PPIG: variants seen among roughly 807,000 people sequenced by gnomAD.
PPIG encodes peptidylprolyl isomerase G.
PPIG carries 26 observed loss-of-function variants against 87.9 expected under a neutral mutation model. That is an observed-to-expected ratio of 0.30 (90% CI 0.22 to 0.41). The LOEUF (loss-of-function observed/expected upper bound fraction) is 0.41, where lower values mean the gene tolerates loss of function less well. PPIG is among the 10% of genes least tolerant of loss of function. The pLI is 1.00. For missense variants in PPIG, 722 were observed against 879.4 expected (o/e 0.82, Z 2.26); for synonymous variants, 308 against 276.5 (o/e 1.11, Z -1.13).
intron 9 of PPIG, among the ~76,000 whole-genome samples, chr2:169,619,179 T>C (rs1187678910): frequency 1.3e-5 from 2 of 152,206 alleles, no homozygotes; most frequent in East Asian, 3.8e-4. Context: ...TTGTGCAGTT[T>C]TGAGTGAGTT....
At chr2:169,596,979 G>A (rs1685037177) in intron 1 of PPIG, among the ~76,000 whole-genome samples, 2 of 152,250 alleles carry the variant, frequency 1.3e-5, no homozygotes, top group South Asian at 2.1e-4. Context: ...TGAGATTACA[G>A]GCGGGAGCCA....
Position 169,637,270 on chromosome 2 carries a change from A to G in PPIG, c.2012A>G (p.His671Arg), listed in dbSNP as rs751746285. ...AGAATGTACTCTAAAAGTCGTGATC[A>G]TAATAGCTCAAATAACAGCAGGGAA... is the stretch of plus-strand genomic sequence containing the variant. ...EKRMYSKSRD[H>R]NSSNNSREKK... The change falls in exon 14 of 14, where the codon CAT becomes CGT. Residue 671 changes from histidine (H) to arginine (R), a missense_variant. By Grantham distance (29) the His-to-Arg change is conservative. Coordinates refer to ENST00000260970, the MANE Select transcript of PPIG (RefSeq NM_004792.3). 8 of 1,610,198 alleles carry G rather than the reference A, an allele frequency of 5.0e-6. No homozygotes were observed. The highest frequency in any genetic ancestry group is 2.2e-5 in the East Asian group (1 of 44,868).
At chr2:169,608,373 C>A (rs1271800441) in intron 6 of PPIG, among the ~76,000 whole-genome samples, 9 of 151,882 alleles carry the variant, frequency 5.9e-5, no homozygotes, top group Admixed American at 5.9e-4. Flanking sequence ...CCTGTAGTCC[C>A]AGCTACTCAG....
rs184693262 is a variant in PPIG at position 169,608,571 on chromosome 2, G to A, written c.290-100G>A. ...TAACTTTATTATCTAAGTAAGTTGTGTGTGGCACTAAATAATACATCAGAT... is the reference window on the plus strand; with the variant it reads ...TAACTTTATTATCTAAGTAAGTTGTATGTGGCACTAAATAATACATCAGAT... On this transcript the variant is annotated intron_variant, in intron 6 of 13. Coordinates refer to ENST00000260970, the MANE Select transcript of PPIG (RefSeq NM_004792.3). 10 of 608,066 alleles carry A rather than the reference G, an allele frequency of 1.6e-5. No individual in the cohort carries two copies. In the East Asian group the frequency reaches 1.9e-4, roughly 11 times the overall value. The allele number at this position is 608,066 out of a possible 1,614,324, so 37.7% of individuals were successfully genotyped here. A position where few individuals can be genotyped will look rare whatever the true frequency, so the allele number is the denominator to read the frequency against.
intron 1 of PPIG, among the ~76,000 whole-genome samples, chr2:169,588,803 A>G (rs6726410): frequency 0.034 from 5,176 of 152,044 alleles, 284 homozygotes; most frequent in African/African-American, 0.12. Flanking sequence ...TCTACTAAAA[A>G]TACAAATTTA....
At position 169,594,625 on chromosome 2, in the gene PPIG, C is replaced by CTTTTTT. The variant is rs61375406; in HGVS notation, c.-69-9001_-69-8996dup. Among the ~76,000 whole-genome samples the CTTTTTT allele has an allele frequency of 1.8e-3, 205 of 114,598 alleles. 2 individuals are homozygous for CTTTTTT. The highest frequency in any genetic ancestry group is 2.4e-3 in the African/African-American group (69 of 29,168). 75.2% of individuals were successfully genotyped at this position (114,598 alleles called of 152,430 possible). ...CTTCTTCAGTTTTACTCTTTCTTTT[C>CTTTTTT]TTTTTTTTTTTTTTTTTTTTTGAGA... On this transcript the variant is annotated intron_variant, in intron 1 of 13. Transcript: ENST00000260970.
At chr2:169,621,749 A>G (rs1305438117) in intron 9 of PPIG, among the ~76,000 whole-genome samples, 1 of 136,210 alleles carries the variant, frequency 7.3e-6, no homozygotes, top group African/African-American at 2.7e-5. Context: ...TTTTTTTTTT[A>G]ATATTTTAGT....
chr2:169,605,967 T>C, intron 4 of PPIG, 72 bp from the exon 5 acceptor site: 1 of 1,069,302 alleles, frequency 9.4e-7, no homozygotes, highest in South Asian at 1.3e-5. Context: ...AGGGGCATAT[T>C]TTACATTTAT....
At position 169,626,956 on chromosome 2, in the gene PPIG, T is replaced by A. The variant is rs78126923; in HGVS notation, c.548-3818T>A. Among the ~76,000 whole-genome samples the A allele has an allele frequency of 8.6e-5, 13 of 151,434 alleles. No individual in the cohort carries two copies. In the East Asian group the frequency reaches 2.6e-3, roughly 30 times the overall value. ...AACCCCTGGCTTCAAGTGATCTGCCTGCTTTGGTGTCCCAAAGTGCTAGGA... is the reference window on the plus strand; with the variant it reads ...AACCCCTGGCTTCAAGTGATCTGCCAGCTTTGGTGTCCCAAAGTGCTAGGA... On this transcript the variant is annotated intron_variant, in intron 9 of 13. Transcript: ENST00000260970.
At position 169,640,503 on chromosome 2, in the gene PPIG, T is replaced by C. The variant is rs1051017117; in HGVS notation, c.*2980T>C. The stretch of plus-strand genomic sequence containing the variant: ...AATATAGTTTTCATCACACTAAACT[T>C]TTTATACTAAATTTCTGTAGAAGCT... On this transcript the variant is annotated 3_prime_UTR_variant, in exon 14 of 14. Transcript: ENST00000260970. 3 of 152,184 alleles carry C rather than the reference T, an allele frequency of 2.0e-5. No individual in the cohort carries two copies. The highest frequency in any genetic ancestry group is 7.2e-5 in the African/African-American group (3 of 41,450). The allele number at this position is 152,184 out of a possible 1,614,324, so 9.4% of individuals were successfully genotyped here.
intron 5 of PPIG, 107 bp from the exon 6 acceptor site, chr2:169,606,997 T>A (rs983228187): frequency 1.3e-6 from 1 of 741,962 alleles, no homozygotes; most frequent in African/African-American, 1.8e-5. Flanking sequence ...CTTCGAATAT[T>A]GTTAATTCAA....
At chr2:169,628,379 G>C (rs1391975802) in intron 9 of PPIG, among the ~76,000 whole-genome samples, 1 of 152,144 alleles carries the variant, frequency 6.6e-6, no homozygotes, top group East Asian at 1.9e-4. Context: ...CCATTCTCAA[G>C]TGCAGCAACA....
Position 169,627,530 on chromosome 2 carries a change from G to GT in PPIG, c.548-3242dup, listed in dbSNP as rs1274310231. Among the ~76,000 whole-genome samples, 5 of 151,876 alleles carry GT rather than the reference G, an allele frequency of 3.3e-5. No individual in the cohort carries two copies. In the East Asian group the frequency reaches 9.7e-4, roughly 30 times the overall value. ...TTGCTGTTGTGTGGTATGGTGTTTTGTTGTTGTTGTTTTGGAGACAGGTTC... is the reference window on the plus strand; with the variant it reads ...TTGCTGTTGTGTGGTATGGTGTTTTGTTTGTTGTTGTTTTGGAGACAGGTTC... On this transcript the variant is annotated intron_variant, in intron 9 of 13. Transcript: ENST00000260970.
intron 4 of PPIG, among the ~76,000 whole-genome samples, chr2:169,604,765 T>G (rs533056004): frequency 6.6e-6 from 1 of 151,548 alleles, no homozygotes; most frequent in African/African-American, 2.4e-5. Flanking sequence ...TCCCAGCTAT[T>G]TGGGAGGCTG....
chr2:169,596,865 C>T (rs1685034391), intron 1 of PPIG, among the ~76,000 whole-genome samples: 1 of 152,116 alleles, frequency 6.6e-6, no homozygotes, highest in Non-Finnish European at 1.5e-5. Flanking sequence ...TTACGCTCAG[C>T]TCACTTTTGT....
Position 169,637,296 on chromosome 2 carries a change from A to G in PPIG, c.2038A>G (p.Lys680Glu), listed in dbSNP as rs1432508438. 6.2e-7 allele frequency: 1 copy of G among 1,607,536 alleles called. No homozygotes were observed. Among genetic ancestry groups the G allele is most frequent in the Non-Finnish European group, 8.5e-7 (1 of 1,178,600 alleles). ...TAATAGCTCAAATAACAGCAGGGAAAAAAAGGCTGATAGAGATCAAAGTCC... is the reference window on the plus strand; with the variant it reads ...TAATAGCTCAAATAACAGCAGGGAAGAAAAGGCTGATAGAGATCAAAGTCC... ...DHNSSNNSRE[K>E]KADRDQSPFS... Residue 680 changes from lysine to glutamate, a missense_variant, in exon 14 of 14, where the codon AAA becomes GAA. Around this residue, in one of 4 missense-constraint regions of PPIG, gnomAD observed 476 missense variants for 483.1 expected, o/e 0.99. Coordinates refer to ENST00000260970, the MANE Select transcript of PPIG (RefSeq NM_004792.3).
chr2:169,623,014 G>A (rs1388774790), intron 9 of PPIG, among the ~76,000 whole-genome samples: 1 of 151,996 alleles, frequency 6.6e-6, no homozygotes, highest in African/African-American at 2.4e-5. Flanking sequence ...TGTGTTCTTG[G>A]GGAGTCTGGG....
chr2:169,625,026 A>T (rs560328757), intron 9 of PPIG, among the ~76,000 whole-genome samples: 1 of 152,230 alleles, frequency 6.6e-6, no homozygotes, highest in Non-Finnish European at 1.5e-5. Context: ...TGATACATGT[A>T]TACAATGCAG....
At position 169,631,786 on chromosome 2, in the gene PPIG, C is replaced by A. The variant is rs759190082; in HGVS notation, c.782C>A (p.Ala261Asp). The change falls in exon 11 of 14, where the codon GCT (alanine) becomes GAT (aspartate). Residue 261 changes from alanine (A) to aspartate (D), a missense_variant. This residue lies in a region of PPIG where 142 missense variants were observed against 152.8 expected (regional missense o/e 0.93). Coordinates refer to ENST00000260970, the MANE Select transcript of PPIG (RefSeq NM_004792.3). ...SKKSASSESE[A>D]ENLEAQPQST... ...TTAAGTGCATCTAGTGAGAGTGAAGCTGAAAATCTTGAAGCACAACCCCAG... is the reference window on the plus strand; with the variant it reads ...TTAAGTGCATCTAGTGAGAGTGAAGATGAAAATCTTGAAGCACAACCCCAG... 1 of 1,613,772 alleles carries A rather than the reference C, an allele frequency of 6.2e-7. No individual in the cohort carries two copies. Among genetic ancestry groups the A allele is most frequent in the South Asian group, 1.1e-5 (1 of 91,076 alleles).
Sources: allele counts gnomAD v4.1 joint callset (sites outside exome capture counted in the v4.1 genomes callset), GRCh38; gene constraint gnomAD v4.1.1; regional missense constraint gnomAD v4.1.1; transcripts MANE v1.5; gene names NCBI Gene and HGNC (gene_info 2026-07-23, HGNC 2026-07-21).